The following YJU2 variants were observed in gnomAD, a reference collection of about 807,000 sequenced individuals.
YJU2 encodes the protein YJU2 splicing factor homolog, also known as splicing factor YJU2.
Under a neutral mutation model 39.6 loss-of-function variants are expected in YJU2, and 28 were observed. The observed-to-expected ratio is 0.71, with a 90% CI of 0.52 to 0.97. The LOEUF (loss-of-function observed/expected upper bound fraction) is 0.97, where lower values mean the gene tolerates loss of function less well. Ranked by LOEUF, YJU2 falls within the 50% of genes least tolerant of loss-of-function variation. The pLI is 0.00. For missense variants in YJU2, 328 were observed against 430.4 expected, an observed-to-expected ratio of 0.76 and a Z score of 2.11; for synonymous variants, 184 against 182.4, an observed-to-expected ratio of 1.01 and a Z score of -0.07.
At position 4,253,198 on chromosome 19, in the gene YJU2, T is replaced by TACACACACACAC. The variant is rs58339658; in HGVS notation, c.271-1129_271-1118dup. 3.3e-3 allele frequency among the ~76,000 whole-genome samples: 461 copies of TACACACACACAC among 139,134 alleles called. 2 individuals carry two copies. Among genetic ancestry groups the TACACACACACAC allele is most frequent in the African/African-American group, 0.012 (442 of 36,758 alleles). 91.3% of individuals were successfully genotyped at this position (139,134 alleles called of 152,430 possible). ...AACATAGTGAGACCCTGTCCGTGTCTACACACACACACACACACACACACA... is the reference window on the plus strand; with the variant it reads ...AACATAGTGAGACCCTGTCCGTGTCTACACACACACACACACACACACACACACACACACACA... On this transcript the variant is annotated intron_variant, in intron 3 of 7. Coordinates refer to ENST00000262962, the MANE Select transcript of YJU2 (RefSeq NM_018074.6).
Position 4,268,836 on chromosome 19 carries a change from A to C in YJU2, c.*140A>C, listed in dbSNP as rs1971139746. The C allele has an allele frequency of 6.3e-6, 4 of 639,862 alleles. No homozygotes were observed. Among genetic ancestry groups the C allele is most frequent in the Non-Finnish European group, 1.1e-5 (4 of 365,392 alleles). The allele number at this position is 639,862 out of a possible 1,614,324, so 39.6% of individuals were successfully genotyped here. The stretch of plus-strand genomic sequence containing the variant: ...GACAAGCGCCAGCGTGCTCCAACAC[A>C]TAGGGCCACCAGGGGCCTCAGCCCC... On this transcript the variant is annotated 3_prime_UTR_variant, in exon 8 of 8. Coordinates refer to ENST00000262962, the MANE Select transcript of YJU2 (RefSeq NM_018074.6).
At chr19:4,247,656 T>G (rs1176659635) in intron 1 of YJU2, among the ~76,000 whole-genome samples, 1 of 64,364 alleles carries the variant, frequency 1.6e-5, no homozygotes, top group South Asian at 7.7e-4. Flanking sequence ...TGTGTGTGTG[T>G]GTGTGTGTGT....
chr19:4,268,530 C>A, intron 7 of YJU2, 54 bp from the exon 8 acceptor site: 2 of 1,335,642 alleles, frequency 1.5e-6, no homozygotes, highest in South Asian at 1.2e-5. Flanking sequence ...CGTGCCTTGT[C>A]CCTGGCCTGT....
intron 6 of YJU2, among the ~76,000 whole-genome samples, chr19:4,266,987 T>G (rs28624620): frequency 1.3e-5 from 2 of 152,008 alleles, no homozygotes; most frequent in Non-Finnish European, 2.9e-5. Flanking sequence ...TTTTTAATAA[T>G]ATAGATTAAA....
chr19:4,254,692 G>A (rs1406238110), intron 4 of YJU2, among the ~76,000 whole-genome samples: 1 of 152,134 alleles, frequency 6.6e-6, no homozygotes, highest in African/African-American at 2.4e-5. Context: ...GGCTGAGGCG[G>A]GAGGATCACT....
At chr19:4,268,442 C>T in intron 7 of YJU2, 142 bp from the exon 8 acceptor site, 4 of 610,478 alleles carry the variant, frequency 6.6e-6, no homozygotes, top group Non-Finnish European at 1.2e-5. Flanking sequence ...TGGGTCCCAT[C>T]AGGTGCCATC....
chr19:4,262,158 G>C, intron 6 of YJU2, 44 bp downstream of exon 6: 1 of 1,555,408 alleles, frequency 6.4e-7, no homozygotes, highest in Non-Finnish European at 8.7e-7. Flanking sequence ...GGTGAACTAG[G>C]GACAACTGAA....
intron 5 of YJU2, 38 bp downstream of exon 5, chr19:4,258,461 G>C: frequency 1.3e-6 from 2 of 1,547,140 alleles, no homozygotes; most frequent in East Asian, 2.4e-5. Flanking sequence ...CCACCTCGCA[G>C]CCTCTGCCCC....
chr19:4,252,815 A>C (rs1037647856), intron 3 of YJU2, among the ~76,000 whole-genome samples: 1 of 151,454 alleles, frequency 6.6e-6, no homozygotes, highest in African/African-American at 2.4e-5. Context: ...AGTCCTAGCT[A>C]CTTGGGAGGC....
Position 4,262,261 on chromosome 19 carries a change from C to G in YJU2, c.708+147C>G. On this transcript the variant is annotated intron_variant, in intron 6 of 7. Transcript: ENST00000262962. ...TCGCCTAGGCTGGAGTGCAGTGGCA[C>G]GATCTTGGCTCACTGCAACCTCTGC... The G allele has an allele frequency of 6.2e-6, 5 of 807,540 alleles. No homozygotes were observed. In the South Asian group the frequency reaches 9.2e-5, roughly 15 times the overall value. The allele number at this position is 807,540 out of a possible 1,614,324, so 50.0% of individuals were successfully genotyped here.
At chr19:4,263,937 G>A (rs569514611) in intron 6 of YJU2, among the ~76,000 whole-genome samples, 2 of 151,840 alleles carry the variant, frequency 1.3e-5, no homozygotes, top group South Asian at 2.1e-4. Context: ...TAAAAGTAGG[G>A]GCTCATAAAC....
chr19:4,267,936 T>TTTTTTTC (rs560524980), intron 7 of YJU2, among the ~76,000 whole-genome samples, 162 bp downstream of exon 7: 29 of 151,850 alleles, frequency 1.9e-4, no homozygotes, highest in African/African-American at 5.8e-4. Context: ...AGGCGGCTTC[T>TTTTTTTC]TTTTTTCTTT....
chr19:4,252,765 A>C (rs1391232652), intron 3 of YJU2, among the ~76,000 whole-genome samples: 5 of 151,886 alleles, frequency 3.3e-5, no homozygotes, highest in Non-Finnish European at 7.4e-5. Context: ...TCAGTACAAA[A>C]AAATATAAAA....
intron 3 of YJU2, among the ~76,000 whole-genome samples, chr19:4,251,832 C>G (rs756770055): frequency 6.7e-5 from 10 of 149,892 alleles, no homozygotes; most frequent in South Asian, 6.3e-4. Flanking sequence ...ACTAAAAATA[C>G]AAAAGTGAGC....
rs752083549 is a variant in YJU2 at position 4,258,194 on chromosome 19, C to T, written c.406-48C>T. 5.8e-6 allele frequency: 9 copies of T among 1,538,868 alleles called. No homozygotes were observed. The Admixed American group carries it at 1.0e-4, about 17-fold the overall frequency. ...CCCCGAGGCCAGACAGGGTTTGCCC[C>T]GTGGTGCGATCCCCATGCACTCAGC... is the stretch of plus-strand genomic sequence containing the variant. On this transcript the variant is annotated intron_variant, in intron 4 of 7. Coordinates refer to ENST00000262962, the MANE Select transcript of YJU2 (RefSeq NM_018074.6).
intron 6 of YJU2, among the ~76,000 whole-genome samples, chr19:4,265,549 T>A (rs1321624707): frequency 2.0e-5 from 3 of 151,260 alleles, no homozygotes; most frequent in Non-Finnish European, 4.4e-5. Context: ...AGTTTAATGA[T>A]GATGAGTACC....
At chr19:4,266,842 A>G (rs185372225) in intron 6 of YJU2, among the ~76,000 whole-genome samples, 2 of 152,158 alleles carry the variant, frequency 1.3e-5, no homozygotes, top group Admixed American at 6.6e-5. Context: ...TTAGCCTGCC[A>G]TGGTGGCGTG....
intron 5 of YJU2, among the ~76,000 whole-genome samples, chr19:4,259,996 G>C (rs1185924345): frequency 6.6e-6 from 1 of 152,070 alleles, no homozygotes; most frequent in African/African-American, 2.4e-5. Context: ...ATCATGGAGG[G>C]GACTGAGGTC....
chr19:4,258,139 G>A (rs1599499631), intron 4 of YJU2, 103 bp from the exon 5 acceptor site: 2 of 1,472,228 alleles, frequency 1.4e-6, no homozygotes, highest in East Asian at 5.0e-5. Flanking sequence ...AAACGTGGGG[G>A]TAGGGGTTCC....
Sources: allele counts gnomAD v4.1 joint callset (sites outside exome capture counted in the v4.1 genomes callset), GRCh38; gene constraint gnomAD v4.1.1; transcripts MANE v1.5; gene names NCBI Gene and HGNC (gene_info 2026-07-23, HGNC 2026-07-21).